Variants in CORO2A observed in about 807,000 individuals in gnomAD.
CORO2A encodes coronin 2A.
Under a neutral mutation model 62.4 loss-of-function variants are expected in CORO2A, and 47 were observed. The ratio of observed to expected loss-of-function variants is 0.75; its 90% confidence interval spans 0.60 to 0.96. The LOEUF is 0.96. CORO2A is among the 40% of genes least tolerant of loss of function. The pLI is 0.00. For synonymous variants in CORO2A, 273 were observed against 268.9 expected, an observed-to-expected ratio of 1.02 and a Z score of -0.15; for missense variants, 610 against 684.1, an observed-to-expected ratio of 0.89 and a Z score of 1.21.
At chr9:98,144,176 G>A (rs1163162746) in intron 2 of CORO2A, among the ~76,000 whole-genome samples, 1 of 149,050 alleles carries the variant, frequency 6.7e-6, no homozygotes, top group African/African-American at 2.5e-5. Flanking sequence ...GCAACAGAGT[G>A]AGATCCTGTT....
At chr9:98,168,918 C>G (rs1306632626) in intron 1 of CORO2A, among the ~76,000 whole-genome samples, 1 of 152,192 alleles carries the variant, frequency 6.6e-6, no homozygotes, top group Non-Finnish European at 1.5e-5. Flanking sequence ...CAAAAAGAAT[C>G]CAAGAGAGTG....
Position 98,124,794 on chromosome 9 carries a change from T to A in CORO2A, c.1558A>T (p.Met520Leu). 6.2e-7 allele frequency: 1 copy of A among 1,611,872 alleles called. No individual in the cohort carries two copies. Among genetic ancestry groups the A allele is most frequent in the Non-Finnish European group, 8.5e-7 (1 of 1,179,204 alleles). ...TCTGCTCAGAGCTGCTCTGAGCCCA[T>A]CCGCAAGTTTTTGATCTCCAGTTCC... ...QLELEIKNLR[M>L]GSEQL The change falls in exon 12 of 12, where the codon ATG becomes TTG. Residue 520 changes from methionine to leucine, a missense_variant. Physicochemically the swap from Met to Leu is conservative, Grantham distance 15 (BLOSUM62 2). Transcript: ENST00000375077.
At chr9:98,165,853 C>A (rs1391499970) in intron 1 of CORO2A, among the ~76,000 whole-genome samples, 1 of 152,190 alleles carries the variant, frequency 6.6e-6, no homozygotes, top group Non-Finnish European at 1.5e-5. Context: ...AGCCTCCTTC[C>A]CCAGACCTAC....
intron 2 of CORO2A, among the ~76,000 whole-genome samples, chr9:98,148,576 C>A (rs779363522): frequency 6.6e-6 from 1 of 151,732 alleles, no homozygotes; most frequent in Admixed American, 6.6e-5. Flanking sequence ...CTCACCTCTA[C>A]ATAAAAAATA....
chr9:98,132,363 T>C, intron 5 of CORO2A, 62 bp from the exon 6 acceptor site: 1 of 1,394,978 alleles, frequency 7.2e-7, no homozygotes, highest in Non-Finnish European at 1.0e-6. Flanking sequence ...AGCTGGGGTT[T>C]CTGGCCTCCC....
intron 1 of CORO2A, among the ~76,000 whole-genome samples, chr9:98,190,979 C>T (rs2118951943): frequency 6.6e-6 from 1 of 152,336 alleles, no homozygotes; most frequent in Middle Eastern, 3.4e-3. Flanking sequence ...ACTTTCAGTC[C>T]AAGGTAGCTC....
chr9:98,159,816 C>A (rs1344018296), intron 1 of CORO2A, among the ~76,000 whole-genome samples: 2 of 152,084 alleles, frequency 1.3e-5, no homozygotes. Flanking sequence ...GAAGGCTCTG[C>A]TCCAGGAGTG....
chr9:98,176,381 T>C (rs1315070571), intron 1 of CORO2A, among the ~76,000 whole-genome samples: 1 of 152,212 alleles, frequency 6.6e-6, no homozygotes, highest in African/African-American at 2.4e-5. Context: ...TCTGATGGTT[T>C]TGGCTCGTAC....
intron 1 of CORO2A, among the ~76,000 whole-genome samples, chr9:98,172,005 A>T (rs965608769): frequency 3.3e-5 from 5 of 151,092 alleles, no homozygotes; most frequent in African/African-American, 1.2e-4. Flanking sequence ...GGAAGAAATA[A>T]GTGGGTTTCA....
chr9:98,183,326 C>T (rs1363487842), intron 1 of CORO2A, among the ~76,000 whole-genome samples: 1 of 152,238 alleles, frequency 6.6e-6, no homozygotes. Context: ...CTAGTTCCCA[C>T]CTTCAGAAAC....
At chr9:98,174,731 C>T (rs1828085689) in intron 1 of CORO2A, among the ~76,000 whole-genome samples, 1 of 152,166 alleles carries the variant, frequency 6.6e-6, no homozygotes, top group Non-Finnish European at 1.5e-5. Context: ...AAGGTGCCAG[C>T]TTCCCCTTCA....
intron 1 of CORO2A, among the ~76,000 whole-genome samples, chr9:98,192,006 G>A (rs1828310928): frequency 1.3e-5 from 2 of 152,238 alleles, no homozygotes; most frequent in African/African-American, 4.8e-5. Flanking sequence ...AGCCCCAGAC[G>A]AGTAAACCCT....
chr9:98,148,648 G>C lies in CORO2A; in HGVS notation c.201+8812C>G, dbSNP rs567790765. On this transcript the variant is annotated intron_variant, in intron 2 of 11. Coordinates refer to ENST00000375077, the MANE Select transcript of CORO2A (RefSeq NM_052820.4). ...AGTCCCAGCTATTCAGGAGGCTGCC[G>C]TAAGAGGATTGCTTGAGCCCAGGAA... is the stretch of plus-strand genomic sequence containing the variant. 7.9e-5 allele frequency among the ~76,000 whole-genome samples: 12 copies of C among 151,862 alleles called. No individual in the cohort carries two copies. In the South Asian group the frequency reaches 2.1e-3, roughly 26 times the overall value.
At chr9:98,132,385 T>A (rs1827421431) in intron 5 of CORO2A, 84 bp from the exon 6 acceptor site, 3 of 1,106,512 alleles carry the variant, frequency 2.7e-6, no homozygotes, top group Admixed American at 3.5e-5. Context: ...GCTTTGCTTA[T>A]GCCACCGCTC....
At chr9:98,162,271 G>A (rs975252231) in intron 1 of CORO2A, among the ~76,000 whole-genome samples, 1 of 152,144 alleles carries the variant, frequency 6.6e-6, no homozygotes, top group African/African-American at 2.4e-5. Flanking sequence ...ACCCATCACA[G>A]CCCTGGATCT....
chr9:98,171,228 A>G (rs1382486455), intron 1 of CORO2A, among the ~76,000 whole-genome samples: 1 of 152,144 alleles, frequency 6.6e-6, no homozygotes, highest in Non-Finnish European at 1.5e-5. Context: ...TCAGAGAGGA[A>G]GCGCGCCTTG....
intron 1 of CORO2A, among the ~76,000 whole-genome samples, chr9:98,173,648 A>G (rs987073461): frequency 5.3e-5 from 8 of 152,228 alleles, no homozygotes; most frequent in Non-Finnish European, 1.0e-4. Flanking sequence ...CAGCCGGAAC[A>G]AAATCCACCT....
At chr9:98,180,503 C>T (rs1193420608) in intron 1 of CORO2A, among the ~76,000 whole-genome samples, 1 of 152,140 alleles carries the variant, frequency 6.6e-6, no homozygotes, top group African/African-American at 2.4e-5. Context: ...TTCTGAGCTA[C>T]GTGACCTCAG....
chr9:98,133,060 G>T lies in CORO2A; in HGVS notation c.626C>A (p.Pro209His). The T allele has an allele frequency of 1.9e-6, 3 of 1,614,222 alleles. No homozygotes were observed. The highest frequency in any genetic ancestry group is 2.5e-6 in the Non-Finnish European group (3 of 1,180,038). ...CKDRKIRVIDPRAGTVLQEAS... is the reference protein window; with the variant it reads ...CKDRKIRVIDHRAGTVLQEAS... ...GACCTGGAGGACGGTCCCTGCTCGG[G>T]GGTCAATAACCCGAATCTTGCGGTC... The change falls in exon 5 of 12, where the codon CCC becomes CAC. Residue 209 changes from proline (P) to histidine (H), a missense_variant. Pro to His is a moderately conservative substitution (Grantham distance 77). Transcript: ENST00000375077.
Sources: allele counts gnomAD v4.1 joint callset (sites outside exome capture counted in the v4.1 genomes callset), GRCh38; gene constraint gnomAD v4.1.1; transcripts MANE v1.5; gene names NCBI Gene and HGNC (gene_info 2026-07-23, HGNC 2026-07-21).